The following SNRK variants were observed in gnomAD, a reference collection of about 807,000 sequenced individuals.
SNRK encodes the protein SNF-related serine/threonine-protein kinase.
SNRK carries 3 observed loss-of-function variants against 48.2 expected under a neutral mutation model. That is an observed-to-expected ratio of 0.06 (90% CI 0.03 to 0.16). SNRK has a LOEUF of 0.16. Ranked by LOEUF, SNRK falls within the 10% of genes least tolerant of loss-of-function variation. SNRK has a pLI of 1.00. For missense variants in SNRK, 627 were observed against 976.0 expected (o/e 0.64, Z 4.76); for synonymous variants, 376 against 366.1 (o/e 1.03, Z -0.31).
At chr3:43,311,453 A>G (rs2090978436) in intron 3 of SNRK, among the ~76,000 whole-genome samples, 1 of 152,172 alleles carries the variant, frequency 6.6e-6, no homozygotes, top group Non-Finnish European at 1.5e-5. Flanking sequence ...TAGCTAGATC[A>G]TGCTCATGCA....
intron 1 of SNRK, among the ~76,000 whole-genome samples, chr3:43,296,608 G>T (rs907423344): frequency 4.0e-5 from 6 of 151,854 alleles, no homozygotes; most frequent in Non-Finnish European, 5.9e-5. Context: ...GCCATGGATT[G>T]GTTCACAGTG....
chr3:43,343,317 C>A, intron 5 of SNRK, 27 bp from the exon 6 acceptor site: 1 of 1,577,282 alleles, frequency 6.3e-7, no homozygotes, highest in Admixed American at 2.0e-5. Context: ...ATATGGCTGA[C>A]GTTTGCTCTC....
chr3:43,322,441 T>C (rs2091060723), intron 3 of SNRK, among the ~76,000 whole-genome samples: 1 of 152,188 alleles, frequency 6.6e-6, no homozygotes, highest in Non-Finnish European at 1.5e-5. Flanking sequence ...AACAAAATTA[T>C]AATGCAAACA....
At chr3:43,287,266 A>G (rs58866653) in intron 1 of SNRK, among the ~76,000 whole-genome samples, 3,814 of 152,276 alleles carry the variant, frequency 0.025, 165 homozygotes, top group African/African-American at 0.084. Flanking sequence ...GAATTTTTGC[A>G]GACTGGGAGA....
At chr3:43,334,835 G>A (rs1430067790) in intron 4 of SNRK, among the ~76,000 whole-genome samples, 6 of 152,038 alleles carry the variant, frequency 3.9e-5, no homozygotes, top group South Asian at 2.1e-4. Context: ...CTCGTGATCC[G>A]CCTGCCTCGG....
chr3:43,302,239 C>A (rs2090902910), intron 2 of SNRK, among the ~76,000 whole-genome samples: 1 of 152,048 alleles, frequency 6.6e-6, no homozygotes, highest in Non-Finnish European at 1.5e-5. Context: ...TATATAAATT[C>A]AATTATAAGT....
intron 3 of SNRK, among the ~76,000 whole-genome samples, chr3:43,305,191 A>C (rs1046769284): frequency 6.6e-6 from 1 of 152,354 alleles, no homozygotes; most frequent in South Asian, 2.1e-4. Flanking sequence ...CTTATTTAGA[A>C]GACAGTTTGG....
intron 1 of SNRK, among the ~76,000 whole-genome samples, chr3:43,299,427 C>T (rs963943972): frequency 2.0e-5 from 3 of 152,184 alleles, no homozygotes; most frequent in Non-Finnish European, 4.4e-5. Context: ...CCACCTGTCT[C>T]GGCCTCCCAA....
chr3:43,297,910 T>G (rs2090868861), intron 1 of SNRK, among the ~76,000 whole-genome samples: 1 of 152,116 alleles, frequency 6.6e-6, no homozygotes, highest in Admixed American at 6.5e-5. Flanking sequence ...GCAGTTCAGT[T>G]TCTGAACTGG....
Position 43,348,223 on chromosome 3 carries a change from G to C in SNRK, c.1964G>C (p.Gly655Ala). 3.1e-6 allele frequency: 5 copies of C among 1,612,212 alleles called. No homozygotes were observed. Among genetic ancestry groups the C allele is most frequent in the Non-Finnish European group, 4.2e-6 (5 of 1,179,090 alleles). The change falls in exon 7 of 7, where the codon GGC becomes GCC. Residue 655 changes from glycine (G) to alanine (A), a missense_variant. Around this residue, in one of 4 missense-constraint regions of SNRK, gnomAD observed 207 missense variants for 234.3 expected, o/e 0.88. Coordinates refer to ENST00000296088, the MANE Select transcript of SNRK (RefSeq NM_017719.5). ...ESLKLMSLCL[G>A]SQLHGSTKYI... is the part of the protein sequence containing the mutation. ...CTCAAACTCATGAGCCTCTGCCTCG[G>C]CTCCCAGCTTCATGGGAGCACCAAG...
At chr3:43,296,553 A>G (rs187095252) in intron 1 of SNRK, among the ~76,000 whole-genome samples, 266 of 151,934 alleles carry the variant, frequency 1.8e-3, no homozygotes, top group East Asian at 9.7e-3. Context: ...AAGTAGTACA[A>G]TTTTTGTGCA....
chr3:43,297,482 T>C (rs911372007), intron 1 of SNRK, among the ~76,000 whole-genome samples: 8 of 152,180 alleles, frequency 5.3e-5, no homozygotes, highest in Non-Finnish European at 1.0e-4. Context: ...TTTAAAATTG[T>C]GTCTGGCCAT....
At chr3:43,287,308 C>T (rs1175874814) in intron 1 of SNRK, among the ~76,000 whole-genome samples, 1 of 152,136 alleles carries the variant, frequency 6.6e-6, no homozygotes, top group Non-Finnish European at 1.5e-5. Context: ...CCATAGTCAT[C>T]GCCTGTTGAT....
chr3:43,287,732 C>G (rs1348641482), intron 1 of SNRK, among the ~76,000 whole-genome samples: 1 of 152,132 alleles, frequency 6.6e-6, no homozygotes, highest in Admixed American at 6.5e-5. Context: ...AGTTTGGGCT[C>G]CTTGTATGGG....
At chr3:43,326,043 T>G (rs1029655705) in intron 3 of SNRK, among the ~76,000 whole-genome samples, 6 of 152,180 alleles carry the variant, frequency 3.9e-5, no homozygotes, top group African/African-American at 1.4e-4. Flanking sequence ...AATGCTGAGT[T>G]GGAAGGGTGT....
In SNRK at chr3:43,347,708, G is replaced by T. The variant is rs780968808; in HGVS notation, c.1449G>T (p.Ala483=). The change falls in exon 7 of 7, where the codon GCG becomes GCT. Residue 483 remains alanine, a synonymous_variant. Transcript: ENST00000296088. This position sits in a 1 kb window ranked among gnomAD's most constrained non-coding sequence, Gnocchi z 5.4. ...VTNRLTSRKS[A]PVLNQIFEEG... The stretch of plus-strand genomic sequence containing the variant: ...ACCGCCTGACATCCAGGAAGAGTGC[G>T]CCCGTCCTCAACCAGATCTTTGAGG... 3 of 1,613,900 alleles carry T rather than the reference G, an allele frequency of 1.9e-6. No homozygotes were observed. In the South Asian group the frequency reaches 3.3e-5, roughly 18 times the overall value.
rs2091309285 is a variant in SNRK, at chr3:43,349,817, A to ATGGAAGGGGCCAGTTGCTGTTTT, written c.*1262_*1284dup. 6.6e-6 allele frequency: 1 copy of ATGGAAGGGGCCAGTTGCTGTTTT among 152,214 alleles called. No individual in the cohort carries two copies. The highest frequency in any genetic ancestry group is 2.1e-4 in the South Asian group (1 of 4,836). The allele number at this position is 152,214 out of a possible 1,614,324, so 9.4% of individuals were successfully genotyped here. On this transcript the variant is annotated 3_prime_UTR_variant, in exon 7 of 7. Transcript: ENST00000296088. ...CACTGTATATTGCAAATTGCTGATT[A>ATGGAAGGGGCCAGTTGCTGTTTT]TGGAAGGGGCCAGTTGCTGTTTTTT...
At chr3:43,330,647 T>A (rs2091138993) in intron 3 of SNRK, among the ~76,000 whole-genome samples, 1 of 152,228 alleles carries the variant, frequency 6.6e-6, no homozygotes. Context: ...TATGTTTGAT[T>A]TTTGAATGGG....
intron 4 of SNRK, chr3:43,333,459 A>G (rs2091163777): frequency 6.6e-6 from 1 of 151,958 alleles, no homozygotes; most frequent in South Asian, 2.1e-4. Context: ...AGTGGTAGAA[A>G]CTACCATATA....
Sources: gnomAD v4.1 joint callset for allele counts (sites outside exome capture counted in the v4.1 genomes callset) on GRCh38, gnomAD v4.1.1 for gene constraint, gnomAD v4.1.1 regional missense constraint, Gnocchi (gnomAD v3.1) non-coding constraint, MANE v1.5 for transcripts, NCBI Gene and HGNC (gene_info 2026-07-23, HGNC 2026-07-21) for gene names.